PTPRT: variants seen among roughly 807,000 people sequenced by gnomAD.
PTPRT encodes the protein receptor-type tyrosine-protein phosphatase T.
Under a neutral mutation model 176.8 loss-of-function variants are expected in PTPRT, and 56 were observed. The observed-to-expected ratio is 0.32, with a 90% confidence interval of 0.26 to 0.40. The LOEUF (loss-of-function observed/expected upper bound fraction) is 0.40. Among genes scored for constraint, PTPRT ranks in the 10% least tolerant of loss-of-function variants. The pLI is 1.00. For missense variants in PTPRT, 1,540 were observed against 1,908.2 expected (o/e 0.81, Z 3.60); for synonymous variants, 783 against 739.0 (o/e 1.06, Z -0.96).
intron 11 of PTPRT, among the ~76,000 whole-genome samples, chr20:42,348,918 T>C (rs2058236177): frequency 1.3e-5 from 2 of 152,198 alleles, no homozygotes; most frequent in Admixed American, 6.5e-5. Context: ...TCTTACGATA[T>C]ATAAGCTTGT....
intron 7 of PTPRT, among the ~76,000 whole-genome samples, chr20:42,493,793 G>A (rs1409032795): frequency 1.3e-5 from 2 of 151,460 alleles, no homozygotes; most frequent in African/African-American, 4.9e-5. Context: ...TTATTTGATT[G>A]AAATGTTCCT....
chr20:43,091,481 C>T (rs6016953), intron 1 of PTPRT, among the ~76,000 whole-genome samples: 2,034 of 147,784 alleles, frequency 0.014, 57 homozygotes, highest in African/African-American at 0.049. Context: ...TTCTCTCTCT[C>T]TCTCTCTCTA....
chr20:42,828,608 G>A (rs576519201), intron 2 of PTPRT, among the ~76,000 whole-genome samples: 1 of 152,286 alleles, frequency 6.6e-6, no homozygotes, highest in African/African-American at 2.4e-5. Flanking sequence ...GACCCCTGCT[G>A]TGGGCAGCCT....
At chr20:43,183,671 A>G (rs1353165437) in intron 1 of PTPRT, among the ~76,000 whole-genome samples, 1 of 152,136 alleles carries the variant, frequency 6.6e-6, no homozygotes, top group African/African-American at 2.4e-5. Context: ...CAGCATATAA[A>G]CTGTTCTCTC....
chr20:42,124,470 C>G (rs1311084024), intron 19 of PTPRT, among the ~76,000 whole-genome samples: 1 of 152,206 alleles, frequency 6.6e-6, no homozygotes, highest in Non-Finnish European at 1.5e-5. Context: ...GCAAACAAAC[C>G]TGCCAGCGGG....
intron 27 of PTPRT, among the ~76,000 whole-genome samples, chr20:42,093,880 G>A (rs1444903984): frequency 1.3e-5 from 2 of 152,252 alleles, no homozygotes; most frequent in African/African-American, 2.4e-5. Flanking sequence ...AGCTGCTGCG[G>A]TGATGATATT....
chr20:42,502,262 C>A (rs1462085627), intron 7 of PTPRT, among the ~76,000 whole-genome samples: 1 of 151,880 alleles, frequency 6.6e-6, no homozygotes, highest in African/African-American at 2.4e-5. Flanking sequence ...ATAAAATTCA[C>A]TTCTGTCTAT....
intron 8 of PTPRT, among the ~76,000 whole-genome samples, chr20:42,462,794 C>T (rs1427308197): frequency 6.6e-6 from 1 of 152,144 alleles, no homozygotes; most frequent in Non-Finnish European, 1.5e-5. Context: ...CACTACTTAG[C>T]AAAGCTCTTG....
chr20:42,819,737 AAAAAT>A (rs2077856224), intron 2 of PTPRT, among the ~76,000 whole-genome samples: 2 of 143,948 alleles, frequency 1.4e-5, no homozygotes, highest in Non-Finnish European at 3.0e-5. Flanking sequence ...AAATAAAAAT[AAAAAT>A]AAAAAAAAAT....
At chr20:42,774,738 C>T (rs1036749656) in intron 4 of PTPRT, among the ~76,000 whole-genome samples, 1 of 152,168 alleles carries the variant, frequency 6.6e-6, no homozygotes, top group Non-Finnish European at 1.5e-5. Flanking sequence ...AGGCCAACCC[C>T]GAGTACAGTT....
chr20:42,575,224 TG>T (rs1350769103), intron 7 of PTPRT, among the ~76,000 whole-genome samples: 1 of 152,040 alleles, frequency 6.6e-6, no homozygotes, highest in African/African-American at 2.4e-5. Flanking sequence ...GTCAAGGTGA[TG>T]GGGGGCAGCA....
chr20:42,790,521 G>C (rs2077358859), intron 3 of PTPRT, among the ~76,000 whole-genome samples: 1 of 152,006 alleles, frequency 6.6e-6, no homozygotes, highest in South Asian at 2.1e-4. Context: ...CCATCCATTA[G>C]CCTGACATTC....
chr20:42,677,827 G>T (rs2146063182), intron 7 of PTPRT, 39 bp downstream of exon 7: 1 of 1,576,336 alleles, frequency 6.3e-7, no homozygotes, highest in Non-Finnish European at 8.6e-7. Flanking sequence ...CAATAGCACA[G>T]CCTCTCATAA....
At chr20:42,994,838 A>G (rs1431648980) in intron 1 of PTPRT, among the ~76,000 whole-genome samples, 1 of 152,212 alleles carries the variant, frequency 6.6e-6, no homozygotes, top group East Asian at 1.9e-4. Context: ...ATGTCTGAGA[A>G]ACATCCTACA....
intron 7 of PTPRT, among the ~76,000 whole-genome samples, chr20:42,561,739 C>A (rs1418581082): frequency 6.6e-6 from 1 of 152,146 alleles, no homozygotes; most frequent in East Asian, 1.9e-4. Context: ...CTGTTCCTGG[C>A]CCCCAGTAAG....
At chr20:42,166,261 A>T (rs183989625) in intron 16 of PTPRT, among the ~76,000 whole-genome samples, 2 of 152,336 alleles carry the variant, frequency 1.3e-5, no homozygotes, top group Admixed American at 6.5e-5. Context: ...AACAGCTCTC[A>T]CCCAGCACTA....
intron 13 of PTPRT, among the ~76,000 whole-genome samples, chr20:42,277,318 A>G (rs918202866): frequency 1.3e-5 from 2 of 152,178 alleles, no homozygotes; most frequent in African/African-American, 2.4e-5. Flanking sequence ...GACTCGGCTC[A>G]GTTTGCAAAT....
intron 1 of PTPRT, among the ~76,000 whole-genome samples, chr20:42,983,672 C>T (rs1012719268): frequency 6.6e-6 from 1 of 152,206 alleles, no homozygotes; most frequent in Non-Finnish European, 1.5e-5. Context: ...GGCCAGAGGC[C>T]CTGCCCACAA....
intron 9 of PTPRT, among the ~76,000 whole-genome samples, chr20:42,389,887 C>T (rs544674710): frequency 4.8e-4 from 73 of 150,654 alleles, no homozygotes; most frequent in Middle Eastern, 3.6e-3. Flanking sequence ...AGCCTTGAGG[C>T]TGCCAGTTTA....
Sources: gnomAD v4.1 joint callset for allele counts (sites outside exome capture counted in the v4.1 genomes callset) on GRCh38, gnomAD v4.1.1 for gene constraint, MANE v1.5 for transcripts, NCBI Gene and HGNC (gene_info 2026-07-23, HGNC 2026-07-21) for gene names.